The following PCDHGA11 variants were observed in gnomAD, a reference collection of about 807,000 sequenced individuals.
PCDHGA11 encodes protocadherin gamma subfamily A, 11.
A neutral mutation model predicts 60.4 loss-of-function variants in PCDHGA11; 39 were observed. That is an observed-to-expected ratio of 0.65 (90% CI 0.50 to 0.84). The LOEUF (loss-of-function observed/expected upper bound fraction) is 0.84. Among genes scored for constraint, PCDHGA11 ranks in the 40% least tolerant of loss-of-function variants. The probability of loss-of-function intolerance (pLI) is 0.00; values close to 1 mark genes in which losing one functional copy is unlikely to be tolerated. For synonymous variants in PCDHGA11, 533 were observed against 510.3 expected, an observed-to-expected ratio of 1.04 and a Z score of -0.60; for missense variants, 1,165 against 1,197.7, an observed-to-expected ratio of 0.97 and a Z score of 0.40.
chr5:141,478,870 GT>G, intron 1 of PCDHGA11: 1 of 1,273,360 alleles, frequency 7.9e-7, no homozygotes, highest in Non-Finnish European at 1.0e-6. Context: ...AGCGATCAGA[GT>G]TTAGCTTGGT....
intron 1 of PCDHGA11, among the ~76,000 whole-genome samples, chr5:141,435,604 A>T (rs1361568996): frequency 6.6e-6 from 1 of 152,180 alleles, no homozygotes. Flanking sequence ...CCTGCTTTTT[A>T]CATTAAATTC....
At position 141,421,054 on chromosome 5, in the gene PCDHGA11, A is replaced by G; in HGVS notation, c.-174A>G. 5.2e-6 allele frequency: 3 copies of G among 571,978 alleles called. No individual in the cohort carries two copies. Among genetic ancestry groups the G allele is most frequent in the Non-Finnish European group, 9.0e-6 (3 of 334,336 alleles). 35.4% of individuals were successfully genotyped at this position (571,978 alleles called of 1,614,324 possible). On this transcript the variant is annotated 5_prime_UTR_variant, in exon 1 of 4. Transcript: ENST00000398587. ...AGTCCCTCCCTCCCCCGCCTCTACC[A>G]CACAAAGCGGAATGAGATGGATACT...
At chr5:141,472,980 CAAAA>C (rs60579131) in intron 1 of PCDHGA11, among the ~76,000 whole-genome samples, 3 of 86,106 alleles carry the variant, frequency 3.5e-5, no homozygotes, top group Admixed American at 1.2e-4. Context: ...GAGTGAAACT[CAAAA>C]AAAAAAAAAA....
Position 141,490,325 on chromosome 5 carries a change from G to A in PCDHGA11, c.2434-4482G>A. 1 of 1,614,236 alleles carries A rather than the reference G, an allele frequency of 6.2e-7. No individual in the cohort carries two copies. Among genetic ancestry groups the A allele is most frequent in the Non-Finnish European group, 8.5e-7 (1 of 1,180,038 alleles). On this transcript the variant is annotated intron_variant, in intron 1 of 3. Transcript: ENST00000398587. This position sits in a 1 kb window ranked among gnomAD's most constrained non-coding sequence, Gnocchi z 5.4. ...TCTTTGGCCAACCCTGTCCTAGAGA[G>A]CACACCAGTGGGCACAGTAGTGGGG...
rs563057370 is a variant in PCDHGA11 at position 141,491,297 on chromosome 5, A to G, written c.2434-3510A>G. 1.2e-6 allele frequency: 2 copies of G among 1,614,106 alleles called. No homozygotes were observed. Among genetic ancestry groups the G allele is most frequent in the African/African-American group, 2.7e-5 (2 of 75,038 alleles). On this transcript the variant is annotated intron_variant, in intron 1 of 3. Transcript: ENST00000398587. This position sits in a 1 kb window ranked among gnomAD's most constrained non-coding sequence, Gnocchi z 6.9. The stretch of plus-strand genomic sequence containing the variant: ...AGTGACTTCCTCATACACCCTCCTG[A>G]GCGTTCAGACCTTACCCTTTACCTC...
chr5:141,474,985 C>T (rs2099357651), intron 1 of PCDHGA11, among the ~76,000 whole-genome samples: 1 of 152,202 alleles, frequency 6.6e-6, no homozygotes, highest in Non-Finnish European at 1.5e-5. Context: ...TGTTTGGTGA[C>T]AACAATTCTA....
chr5:141,441,737 C>CG, intron 1 of PCDHGA11: 1 of 365,242 alleles, frequency 2.7e-6, no homozygotes, highest in South Asian at 2.2e-5. Flanking sequence ...AGGACTAGCT[C>CG]GCGCTCGGCG....
chr5:141,485,274 C>T lies in PCDHGA11; in HGVS notation c.2434-9533C>T. On this transcript the variant is annotated intron_variant, in intron 1 of 3. Transcript: ENST00000398587. The surrounding 1 kb of genome is among the most constrained non-coding windows in gnomAD (Gnocchi z 5.7). Reference sequence around the variant, plus strand: ...TACGTTTGTGGGCAGATCCGCTACCCGGTCCCAGAGGAGTCACAGGAAGGG... The same window carrying T: ...TACGTTTGTGGGCAGATCCGCTACCTGGTCCCAGAGGAGTCACAGGAAGGG... The T allele has an allele frequency of 6.2e-7, 1 of 1,614,106 alleles. No individual in the cohort carries two copies. Among genetic ancestry groups the T allele is most frequent in the South Asian group, 1.1e-5 (1 of 91,086 alleles).
chr5:141,507,296 C>T (rs1020117646), intron 3 of PCDHGA11: 1 of 141,360 alleles, frequency 7.1e-6, no homozygotes, highest in Non-Finnish European at 1.5e-5. Flanking sequence ...TCAAATGTTG[C>T]ATGAGACATA....
intron 1 of PCDHGA11, among the ~76,000 whole-genome samples, chr5:141,435,099 TA>T (rs892317840): frequency 2.0e-5 from 3 of 152,260 alleles, no homozygotes; most frequent in African/African-American, 7.2e-5. Context: ...TCTGTTTATC[TA>T]GGGGGGAGAA....
chr5:141,422,850 G>T lies in PCDHGA11; in HGVS notation c.1623G>T (p.Pro541=), dbSNP rs184432819. The part of the protein sequence containing the change: ...LRVIARDSGD[P]PLSSNVSLSL... ...TGATAGCACGTGACAGCGGGGACCC[G>T]CCCCTCAGCAGCAACGTGTCGCTGA... is the stretch of plus-strand genomic sequence containing the variant. Residue 541 remains proline, a synonymous_variant, in exon 1 of 4, where the codon CCG becomes CCT. Coordinates refer to ENST00000398587, the MANE Select transcript of PCDHGA11 (RefSeq NM_018914.3). The T allele has an allele frequency of 4.3e-6, 7 of 1,614,086 alleles. No homozygotes were observed. The highest frequency in any genetic ancestry group is 5.9e-6 in the Non-Finnish European group (7 of 1,180,054).
At chr5:141,454,871 G>A (rs1337911223) in intron 1 of PCDHGA11, among the ~76,000 whole-genome samples, 2 of 129,030 alleles carry the variant, frequency 1.6e-5, no homozygotes, top group Non-Finnish European at 3.1e-5. Context: ...GCAGTGGCAC[G>A]ATCTTGGCTC....
In PCDHGA11 at chr5:141,423,718, A is replaced by G. The variant is rs1450410707; in HGVS notation, c.2433+58A>G. The G allele has an allele frequency of 4.8e-6, 5 of 1,049,028 alleles. No homozygotes were observed. In the East Asian group the frequency reaches 2.9e-4, roughly 60 times the overall value. 65.0% of individuals were successfully genotyped at this position (1,049,028 alleles called of 1,614,324 possible). On this transcript the variant is annotated intron_variant, in intron 1 of 3. Coordinates refer to ENST00000398587, the MANE Select transcript of PCDHGA11 (RefSeq NM_018914.3). The stretch of plus-strand genomic sequence containing the variant: ...GTGTCTTGGCACAAGTCTTTTAAGG[A>G]GATGTTTTTTGAGCCTGTTATGAAA...
intron 1 of PCDHGA11, among the ~76,000 whole-genome samples, chr5:141,475,097 T>C (rs180692931): frequency 6.6e-6 from 1 of 152,370 alleles, no homozygotes; most frequent in East Asian, 1.9e-4. Context: ...TTTATAAAGA[T>C]CCTAGGTGGT....
intron 1 of PCDHGA11, among the ~76,000 whole-genome samples, chr5:141,459,646 T>C (rs2098972004): frequency 6.6e-6 from 1 of 152,266 alleles, no homozygotes; most frequent in Non-Finnish European, 1.5e-5. Context: ...TTTTTCAAAA[T>C]GGTAATATCA....
At chr5:141,507,380 C>G (rs984406173) in intron 3 of PCDHGA11, 1 of 151,954 alleles carries the variant, frequency 6.6e-6, no homozygotes, top group African/African-American at 2.4e-5. Flanking sequence ...CTTTTATTTA[C>G]TAAATCTGGC....
rs1354510383 is a variant in PCDHGA11, at chr5:141,432,312, G to A, written c.2433+8652G>A. The A allele has an allele frequency of 5.6e-6, 9 of 1,614,132 alleles. No homozygotes were observed. The highest frequency in any genetic ancestry group is 7.6e-6 in the Non-Finnish European group (9 of 1,180,054). On this transcript the variant is annotated intron_variant, in intron 1 of 3. Transcript: ENST00000398587. The surrounding 1 kb of genome is among the most constrained non-coding windows in gnomAD (Gnocchi z 6.0). Reference sequence around the variant, plus strand: ...GACACTGGGGTACTGTATGCGCTGAGCTCCTTCGACTACGAGCAGTTCCGA... The same window carrying A: ...GACACTGGGGTACTGTATGCGCTGAACTCCTTCGACTACGAGCAGTTCCGA...
Position 141,493,685 on chromosome 5 carries a change from G to A in PCDHGA11, c.2434-1122G>A, listed in dbSNP as rs139973755. ...CCATGGCAGCCCCAGAATGGTGCTG[G>A]TGACTCCCGATACACCTGGAATGCT... On this transcript the variant is annotated intron_variant, in intron 1 of 3. Transcript: ENST00000398587. The surrounding 1 kb of genome is among the most constrained non-coding windows in gnomAD (Gnocchi z 4.3). 1.1e-3 allele frequency among the ~76,000 whole-genome samples: 165 copies of A among 152,282 alleles called. 3 individuals carry two copies. The highest frequency in any genetic ancestry group is 8.2e-3 in the Admixed American group (125 of 15,298).
chr5:141,456,968 A>AAAACAAAC (rs202005606), intron 1 of PCDHGA11, among the ~76,000 whole-genome samples: 1 of 152,282 alleles, frequency 6.6e-6, no homozygotes, highest in Admixed American at 6.5e-5. Flanking sequence ...ATCTCAAAAC[A>AAAACAAAC]AAACAAACAA....
Sources: gnomAD v4.1 joint callset for allele counts (sites outside exome capture counted in the v4.1 genomes callset) on GRCh38, gnomAD v4.1.1 for gene constraint, Gnocchi (gnomAD v3.1) non-coding constraint, MANE v1.5 for transcripts, NCBI Gene and HGNC (gene_info 2026-07-23, HGNC 2026-07-21) for gene names.